The following PHKB variants were observed in gnomAD, a reference collection of about 807,000 sequenced individuals.
The protein encoded by PHKB is phosphorylase kinase regulatory subunit beta.
Under a neutral mutation model 152.1 loss-of-function variants are expected in PHKB, and 122 were observed. The observed-to-expected ratio is 0.80, with a 90% CI of 0.69 to 0.93. The LOEUF is 0.93. Ranked by LOEUF, PHKB falls within the 40% of genes least tolerant of loss-of-function variation. The pLI is 0.00. For missense variants in PHKB, 1,304 were observed against 1,328.4 expected (o/e 0.98, Z 0.29); for synonymous variants, 436 against 464.9 (o/e 0.94, Z 0.80).
At chr16:47,630,575 G>C (rs1411628951) in intron 14 of PHKB, among the ~76,000 whole-genome samples, 1 of 152,176 alleles carries the variant, frequency 6.6e-6, no homozygotes, top group African/African-American at 2.4e-5. Flanking sequence ...GTCTGAAGAA[G>C]AGACTGTTGG....
At chr16:47,472,127 T>C (rs1187864257) in intron 1 of PHKB, among the ~76,000 whole-genome samples, 1 of 152,214 alleles carries the variant, frequency 6.6e-6, no homozygotes, top group Non-Finnish European at 1.5e-5. Flanking sequence ...CAGTTAGTTT[T>C]ATATCATGAT....
chr16:47,488,462 T>C (rs183074377), intron 1 of PHKB, among the ~76,000 whole-genome samples: 1 of 152,326 alleles, frequency 6.6e-6, no homozygotes, highest in Admixed American at 6.5e-5. Flanking sequence ...CAATTGTCAA[T>C]TTTTGTTTTT....
At chr16:47,545,194 G>T (rs1220304370) in intron 6 of PHKB, among the ~76,000 whole-genome samples, 1 of 152,188 alleles carries the variant, frequency 6.6e-6, no homozygotes, top group Non-Finnish European at 1.5e-5. Context: ...AGCATCGATG[G>T]TCTTTCCATC....
Position 47,700,348 on chromosome 16 carries a change from C to CAAAAAA in PHKB, c.*995_*1000dup, listed in dbSNP as rs11299370. ...TGGGTGACAGAGCGAGACTCCATCTCAAAAAAAAAAAAAAAAAAGAAAAAG... is the reference window on the plus strand; with the variant it reads ...TGGGTGACAGAGCGAGACTCCATCTCAAAAAAAAAAAAAAAAAAAAAAAAGAAAAAG... On this transcript the variant is annotated 3_prime_UTR_variant, in exon 31 of 31. Coordinates refer to ENST00000323584, the MANE Select transcript of PHKB (RefSeq NM_000293.3). 3.7e-4 allele frequency: 23 copies of CAAAAAA among 62,374 alleles called. No individual in the cohort carries two copies. Among genetic ancestry groups the CAAAAAA allele is most frequent in the South Asian group, 6.8e-4 (1 of 1,474 alleles). The allele number at this position is 62,374 out of a possible 1,614,324, so 3.9% of individuals were successfully genotyped here.
chr16:47,610,738 C>A, intron 13 of PHKB, 88 bp from the exon 14 acceptor site: 1 of 769,874 alleles, frequency 1.3e-6, no homozygotes, highest in South Asian at 1.4e-5. Context: ...ATATTCTTCT[C>A]TTGTTGGAGT....
At chr16:47,503,773 G>A (rs542295403) in intron 4 of PHKB, among the ~76,000 whole-genome samples, 1 of 152,114 alleles carries the variant, frequency 6.6e-6, no homozygotes, top group South Asian at 2.1e-4. Flanking sequence ...AGGTTGCAGT[G>A]AGCCAAGATC....
chr16:47,574,183 G>A (rs868557871), intron 7 of PHKB, among the ~76,000 whole-genome samples: 1 of 152,188 alleles, frequency 6.6e-6, no homozygotes, highest in Admixed American at 6.5e-5. Context: ...GCCTCCCAAA[G>A]TTCTGGGATT....
At chr16:47,592,710 G>T (rs1361357998) in intron 10 of PHKB, among the ~76,000 whole-genome samples, 1 of 152,216 alleles carries the variant, frequency 6.6e-6, no homozygotes, top group Non-Finnish European at 1.5e-5. Context: ...TCTGAGGGAA[G>T]TTCTCTGTCT....
intron 1 of PHKB, among the ~76,000 whole-genome samples, chr16:47,485,927 C>T (rs184398334): frequency 5.3e-5 from 8 of 151,484 alleles, no homozygotes; most frequent in Admixed American, 1.3e-4. Context: ...GGTCCCTCAC[C>T]GCTTTCTGTT....
intron 7 of PHKB, among the ~76,000 whole-genome samples, chr16:47,552,026 G>C (rs1244956596): frequency 1.3e-5 from 2 of 152,128 alleles, no homozygotes; most frequent in African/African-American, 4.8e-5. Context: ...TCAGAGACTA[G>C]GATTGCCACC....
chr16:47,644,441 C>T lies in PHKB; in HGVS notation c.1608+2749C>T, dbSNP rs1199591167. On this transcript the variant is annotated intron_variant, in intron 16 of 30. Coordinates refer to ENST00000323584, the MANE Select transcript of PHKB (RefSeq NM_000293.3). ...TGCTGTTCTACAGGAATGTACAATT[C>T]GAAAGGAGAAAGAGATACAAACCCA... Among the ~76,000 whole-genome samples, 3 of 152,104 alleles carry T rather than the reference C, an allele frequency of 2.0e-5. No individual in the cohort carries two copies. In the South Asian group the frequency reaches 6.2e-4, roughly 32 times the overall value.
At chr16:47,590,764 C>G (rs888039604) in intron 10 of PHKB, 10 of 152,154 alleles carry the variant, frequency 6.6e-5, no homozygotes, top group African/African-American at 2.2e-4. Context: ...AGGAGCTGCC[C>G]CACAGTCAGG....
At chr16:47,587,620 A>G in intron 8 of PHKB, 48 bp from the exon 9 acceptor site, 1 of 1,413,862 alleles carries the variant, frequency 7.1e-7, no homozygotes. Context: ...AAAGTTCTAC[A>G]AGTCTTTTTT....
intron 29 of PHKB, among the ~76,000 whole-genome samples, chr16:47,697,650 G>A (rs565936881): frequency 6.6e-6 from 1 of 152,196 alleles, no homozygotes; most frequent in South Asian, 2.1e-4. Context: ...ATAAAATACA[G>A]TCAATAAGAA....
chr16:47,537,872 T>TTCTCTCTCTC (rs34841624), intron 6 of PHKB, among the ~76,000 whole-genome samples: 14 of 143,500 alleles, frequency 9.8e-5, no homozygotes, highest in African/African-American at 2.6e-4. Context: ...ACGTGGAAAA[T>TTCTCTCTCTC]TCTCTCTCTC....
At chr16:47,675,994 C>A (rs902947670) in intron 26 of PHKB, 1 of 152,102 alleles carries the variant, frequency 6.6e-6, no homozygotes, top group African/African-American at 2.4e-5. Context: ...TAGACTTCAT[C>A]CTCAATAAAT....
chr16:47,614,366 T>C (rs908091519), intron 14 of PHKB, among the ~76,000 whole-genome samples: 5 of 152,194 alleles, frequency 3.3e-5, no homozygotes, highest in Admixed American at 3.3e-4. Flanking sequence ...CCATATCACA[T>C]AGTTTGTTTC....
intron 14 of PHKB, chr16:47,619,060 G>A (rs958609865): frequency 6.6e-6 from 1 of 152,132 alleles, no homozygotes; most frequent in Non-Finnish European, 1.5e-5. Context: ...CACTGTACAT[G>A]CCACTTCTAC....
At chr16:47,614,358 A>G (rs1454441341) in intron 14 of PHKB, among the ~76,000 whole-genome samples, 2 of 152,214 alleles carry the variant, frequency 1.3e-5, no homozygotes, top group East Asian at 3.9e-4. Flanking sequence ...GATCCAAACC[A>G]TATCACATAG....
Sources: allele counts gnomAD v4.1 joint callset (sites outside exome capture counted in the v4.1 genomes callset), GRCh38; gene constraint gnomAD v4.1.1; transcripts MANE v1.5; gene names NCBI Gene and HGNC (gene_info 2026-07-23, HGNC 2026-07-21).